TTBK2: variants seen among roughly 807,000 people sequenced by gnomAD.
TTBK2 encodes the protein tau-tubulin kinase 2.
TTBK2 carries 28 observed loss-of-function variants against 110.8 expected under a neutral mutation model. That is an observed-to-expected ratio of 0.25 (90% confidence interval 0.19 to 0.35). TTBK2 has a LOEUF of 0.35. Among genes scored for constraint, TTBK2 ranks in the 10% least tolerant of loss-of-function variants. The probability of loss-of-function intolerance (pLI) is 1.00; values close to 1 mark genes in which losing one functional copy is unlikely to be tolerated. For missense variants in TTBK2, 1,369 were observed against 1,500.3 expected, an observed-to-expected ratio of 0.91 and a Z score of 1.45; for synonymous variants, 532 against 527.3, an observed-to-expected ratio of 1.01 and a Z score of -0.12.
At chr15:42,795,176 T>C (rs1468224243) in intron 9 of TTBK2, among the ~76,000 whole-genome samples, 1 of 152,082 alleles carries the variant, frequency 6.6e-6, no homozygotes. Context: ...TTTTTATATG[T>C]TTCAACCTAA....
intron 13 of TTBK2, among the ~76,000 whole-genome samples, chr15:42,757,746 G>A (rs2061967494): frequency 6.6e-6 from 1 of 152,178 alleles, no homozygotes; most frequent in South Asian, 2.1e-4. Flanking sequence ...TAAGCCATAT[G>A]CATCTTTTAT....
rs574910617 is a variant in TTBK2 at position 42,829,006 on chromosome 15, T to C, written c.432+932A>G. 8.5e-5 allele frequency among the ~76,000 whole-genome samples: 13 copies of C among 152,276 alleles called. No individual in the cohort carries two copies. In the East Asian group the frequency reaches 1.2e-3, roughly 14 times the overall value. ...CTACTTAGGGGCTTTCTGATAAAAA[T>C]AGAAACTCTTCCAAGTACCATAGTT... On this transcript the variant is annotated intron_variant, in intron 5 of 14. Transcript: ENST00000267890.
intron 9 of TTBK2, chr15:42,801,358 G>A: frequency 6.6e-7 from 1 of 1,517,448 alleles, no homozygotes; most frequent in Non-Finnish European, 9.1e-7. Flanking sequence ...AGCTCAGACA[G>A]CTTGGCATTG....
chr15:42,765,350 A>G (rs1889310961), intron 13 of TTBK2, among the ~76,000 whole-genome samples: 1 of 152,220 alleles, frequency 6.6e-6, no homozygotes, highest in African/African-American at 2.4e-5. Flanking sequence ...AACCCATTGC[A>G]AGGAAGCTAA....
chr15:42,793,927 T>A (rs1462810607), intron 10 of TTBK2, among the ~76,000 whole-genome samples: 1 of 152,076 alleles, frequency 6.6e-6, no homozygotes, highest in Non-Finnish European at 1.5e-5. Flanking sequence ...TTCAGTTTCT[T>A]TTCCCCAGAG....
intron 1 of TTBK2, among the ~76,000 whole-genome samples, chr15:42,892,351 T>C (rs1476898714): frequency 2.0e-5 from 3 of 152,150 alleles, no homozygotes; most frequent in Non-Finnish European, 4.4e-5. Context: ...AGAGCAGAGT[T>C]AAATAACTGC....
At chr15:42,791,061 G>T (rs1419519209) in intron 10 of TTBK2, among the ~76,000 whole-genome samples, 4 of 152,120 alleles carry the variant, frequency 2.6e-5, no homozygotes, top group Admixed American at 2.6e-4. Flanking sequence ...TTTTGTTTTT[G>T]TATTTTTAGT....
chr15:42,918,954 T>C (rs2031230422), intron 1 of TTBK2, among the ~76,000 whole-genome samples: 1 of 152,172 alleles, frequency 6.6e-6, no homozygotes, highest in South Asian at 2.1e-4. Context: ...ATATTATATA[T>C]TAAATTAATG....
chr15:42,753,318 T>C, intron 13 of TTBK2, 71 bp from the exon 14 acceptor site: 2 of 1,444,774 alleles, frequency 1.4e-6, no homozygotes, highest in Non-Finnish European at 1.9e-6. Context: ...CTTTGAGATT[T>C]AACATCTCCA....
At chr15:42,788,887 T>G (rs971275619) in intron 10 of TTBK2, among the ~76,000 whole-genome samples, 1 of 152,204 alleles carries the variant, frequency 6.6e-6, no homozygotes, top group Non-Finnish European at 1.5e-5. Context: ...GTCTTAAGTC[T>G]GCTGTAGTAT....
intron 14 of TTBK2, among the ~76,000 whole-genome samples, chr15:42,750,770 A>G (rs751254604): frequency 2.6e-5 from 4 of 152,194 alleles, no homozygotes; most frequent in Admixed American, 1.3e-4. Context: ...GAAGCTCAAC[A>G]AACTCGAAGT....
chr15:42,747,348 A>C lies in TTBK2; in HGVS notation c.3273-1091T>G, dbSNP rs140063626. 4.1e-3 allele frequency among the ~76,000 whole-genome samples: 628 copies of C among 152,290 alleles called. 5 individuals carry two copies. Among genetic ancestry groups the C allele is most frequent in the African/African-American group, 0.015 (603 of 41,568 alleles). ...CCTAAATGTCTTTCTGGTTTGGCCTAAGAATCAAAGAAAATGGAACATATA... is the reference window on the plus strand; with the variant it reads ...CCTAAATGTCTTTCTGGTTTGGCCTCAGAATCAAAGAAAATGGAACATATA... On this transcript the variant is annotated intron_variant, in intron 14 of 14. Transcript: ENST00000267890.
Position 42,802,150 on chromosome 15 carries a change from C to T in TTBK2, c.823-7349G>A, listed in dbSNP as rs145359031. Reference sequence around the variant, plus strand: ...CTTGATCTGCTTCTCCTCCTGGGTGCGCACGGCCTGGATGTTGGGGTCCAC... The same window carrying T: ...CTTGATCTGCTTCTCCTCCTGGGTGTGCACGGCCTGGATGTTGGGGTCCAC... On this transcript the variant is annotated intron_variant, in intron 9 of 14. Coordinates refer to ENST00000267890, the MANE Select transcript of TTBK2 (RefSeq NM_173500.4). The T allele has an allele frequency of 2.3e-3, 3,203 of 1,405,446 alleles. 53 individuals are homozygous for T. The African/African-American group carries it at 0.038, about 17-fold the overall frequency. 87.1% of individuals were successfully genotyped at this position (1,405,446 alleles called of 1,614,324 possible). A position where few individuals can be genotyped will look rare whatever the true frequency, so the allele number is the denominator to read the frequency against.
intron 10 of TTBK2, among the ~76,000 whole-genome samples, chr15:42,789,854 TAC>T (rs58536399): frequency 1.8e-4 from 27 of 147,884 alleles, no homozygotes; most frequent in Admixed American, 1.2e-3. Flanking sequence ...ATACATACAA[TAC>T]ACACACACAC....
chr15:42,902,516 G>A (rs60763334), intron 1 of TTBK2, among the ~76,000 whole-genome samples: 22,496 of 151,478 alleles, frequency 0.15, 1,813 homozygotes, highest in East Asian at 0.21. Flanking sequence ...GTGAAACTCC[G>A]TCTTATGTAT....
At chr15:42,898,349 T>C (rs985387683) in intron 1 of TTBK2, among the ~76,000 whole-genome samples, 3 of 151,686 alleles carry the variant, frequency 2.0e-5, no homozygotes, top group African/African-American at 4.8e-5. Flanking sequence ...AGATCAGGAG[T>C]TCGGGACCAA....
At position 42,794,764 on chromosome 15, in the gene TTBK2, A is replaced by G. The variant is rs1323892788; in HGVS notation, c.860T>C (p.Phe287Ser). Reference sequence around the variant, plus strand: ...AAAAGGGTCACTCTCAATTACTCCAAAAGTCTTGATGCTATTGTCAAACAC... The same window carrying G: ...AAAAGGGTCACTCTCAATTACTCCAGAAGTCTTGATGCTATTGTCAAACAC... ...TSVFDNSIKT[F>S]GVIESDPFDW... Residue 287 changes from phenylalanine to serine, a missense_variant, in exon 10 of 15, where the codon TTT becomes TCT. Phe to Ser is a radical substitution (Grantham distance 155). Around this residue, in one of 4 missense-constraint regions of TTBK2, gnomAD observed 138 missense variants for 179.0 expected, o/e 0.77. Transcript: ENST00000267890. The G allele has an allele frequency of 1.9e-6, 3 of 1,614,186 alleles. No homozygotes were observed. Among genetic ancestry groups the G allele is most frequent in the African/African-American group, 1.3e-5 (1 of 75,038 alleles).
chr15:42,878,593 C>T lies in TTBK2; in HGVS notation c.25G>A (p.Asp9Asn), dbSNP rs766604205. 1.2e-6 allele frequency: 2 copies of T among 1,613,450 alleles called. No individual in the cohort carries two copies. Among genetic ancestry groups the T allele is most frequent in the Non-Finnish European group, 1.7e-6 (2 of 1,179,934 alleles). Residue 9 changes from aspartate (D) to asparagine (N), a missense_variant, in exon 2 of 15, where the codon GAT (aspartate) becomes AAT (asparagine). By Grantham distance (23) the Asp-to-Asn change is conservative. Around this residue, in one of 4 missense-constraint regions of TTBK2, gnomAD observed 122 missense variants for 159.7 expected, o/e 0.76. Transcript: ENST00000267890. ...ACTAGGATTCCAACACTCAGGATAT[C>T]CAGCTGCTCTCCTCCCCCACTCATT... The part of the protein sequence containing the change: MSGGGEQL[D>N]ILSVGILVKE...
intron 3 of TTBK2, among the ~76,000 whole-genome samples, chr15:42,862,898 CAAAT>C (rs1466858356): frequency 6.6e-6 from 1 of 151,842 alleles, no homozygotes; most frequent in African/African-American, 2.4e-5. Context: ...CAAAAATAAA[CAAAT>C]AAATTAATTA....
Sources: gnomAD v4.1 joint callset for allele counts (sites outside exome capture counted in the v4.1 genomes callset) on GRCh38, gnomAD v4.1.1 for gene constraint, gnomAD v4.1.1 regional missense constraint, MANE v1.5 for transcripts, NCBI Gene and HGNC (gene_info 2026-07-23, HGNC 2026-07-21) for gene names.